The following MED13L variants were observed in gnomAD, a reference collection of about 807,000 sequenced individuals.
The protein encoded by MED13L is mediator complex subunit 13L.
In MED13L, 7 loss-of-function variants were observed where a neutral mutation model predicts 220.9. That is an observed-to-expected ratio of 0.03 (90% CI 0.02 to 0.06). The LOEUF is 0.06. MED13L is among the 10% of genes least tolerant of loss of function. The pLI, the probability that MED13L is intolerant of heterozygous loss-of-function variation, is 1.00. For missense variants in MED13L, 1,965 were observed against 2,760.5 expected (o/e 0.71, Z 6.46); for synonymous variants, 1,011 against 1,015.2 (o/e 1.00, Z 0.08).
chr12:116,225,763 T>C (rs917039055), intron 2 of MED13L, among the ~76,000 whole-genome samples: 2 of 152,226 alleles, frequency 1.3e-5, no homozygotes, highest in African/African-American at 4.8e-5. Context: ...AGAGACCTCA[T>C]GTTGAATAGG....
intron 4 of MED13L, among the ~76,000 whole-genome samples, chr12:116,054,238 G>A (rs1212187980): frequency 5.3e-5 from 8 of 150,892 alleles, no homozygotes; most frequent in Non-Finnish European, 7.4e-5. Context: ...ACACACGTAC[G>A]TCTTACCCTC....
intron 4 of MED13L, among the ~76,000 whole-genome samples, chr12:116,092,198 T>C (rs1872280485): frequency 6.6e-6 from 1 of 152,088 alleles, no homozygotes; most frequent in African/African-American, 2.4e-5. Flanking sequence ...ACAGAAAAAA[T>C]CATAGATAGC....
chr12:116,031,298 G>C (rs1261928925), intron 4 of MED13L, among the ~76,000 whole-genome samples: 1 of 151,986 alleles, frequency 6.6e-6, no homozygotes, highest in East Asian at 1.9e-4. Flanking sequence ...ATTAGAAAGG[G>C]GCCGGGTGCA....
At chr12:116,225,512 T>A (rs1036407507) in intron 2 of MED13L, among the ~76,000 whole-genome samples, 3 of 152,238 alleles carry the variant, frequency 2.0e-5, no homozygotes, top group African/African-American at 7.2e-5. Flanking sequence ...GAGTTGTATG[T>A]AATTTGTCCA....
chr12:116,166,221 T>C (rs1330318826), intron 2 of MED13L, among the ~76,000 whole-genome samples: 2 of 151,672 alleles, frequency 1.3e-5, no homozygotes, highest in African/African-American at 4.8e-5. Context: ...GAGTGTCAAC[T>C]TGATTGGATA....
chr12:116,055,291 C>T (rs1247991521), intron 4 of MED13L, among the ~76,000 whole-genome samples: 1 of 152,150 alleles, frequency 6.6e-6, no homozygotes, highest in African/African-American at 2.4e-5. Context: ...GATGTACAAA[C>T]ATCTTAATTG....
At chr12:116,228,239 G>C (rs1869199828) in intron 2 of MED13L, among the ~76,000 whole-genome samples, 1 of 152,204 alleles carries the variant, frequency 6.6e-6, no homozygotes, top group African/African-American at 2.4e-5. Context: ...AGCAAGTGCT[G>C]ATGAAGAAGC....
intron 5 of MED13L, among the ~76,000 whole-genome samples, chr12:116,021,189 T>C (rs1566014953): frequency 6.6e-6 from 1 of 152,184 alleles, no homozygotes; most frequent in African/African-American, 2.4e-5. Flanking sequence ...AAGTATTCTA[T>C]GACTTCCATC....
intron 4 of MED13L, among the ~76,000 whole-genome samples, chr12:116,037,149 C>T (rs1234263366): frequency 2.6e-5 from 4 of 152,078 alleles, no homozygotes; most frequent in Non-Finnish European, 2.9e-5. Flanking sequence ...AATACAAAAG[C>T]GCCTCATGGA....
chr12:115,972,868 CTG>C (rs1288914690), intron 25 of MED13L, among the ~76,000 whole-genome samples: 1 of 152,120 alleles, frequency 6.6e-6, no homozygotes, highest in Non-Finnish European at 1.5e-5. Context: ...AACTGGAGCA[CTG>C]TGGAGGATTA....
At chr12:116,230,608 AC>A in intron 2 of MED13L, 1 of 364,152 alleles carries the variant, frequency 2.7e-6, no homozygotes, top group Non-Finnish European at 3.8e-6. Flanking sequence ...TCAATGACTC[AC>A]AAATTTAATA....
chr12:116,070,609 A>G (rs1315845064), intron 4 of MED13L, among the ~76,000 whole-genome samples: 2 of 152,198 alleles, frequency 1.3e-5, no homozygotes, highest in Non-Finnish European at 2.9e-5. Flanking sequence ...CTCGCCTAGC[A>G]CCTAACATAG....
At chr12:116,134,055 T>C (rs1327630617) in intron 2 of MED13L, among the ~76,000 whole-genome samples, 2 of 152,226 alleles carry the variant, frequency 1.3e-5, no homozygotes, top group Admixed American at 6.5e-5. Context: ...TATTGTGCCC[T>C]GTCTTAAGTT....
At chr12:116,233,090 GAA>G (rs530903194) in intron 2 of MED13L, among the ~76,000 whole-genome samples, 15 of 82,944 alleles carry the variant, frequency 1.8e-4, no homozygotes, top group South Asian at 4.2e-4. Context: ...CTGTCTAAAG[GAA>G]AAAAAAAAAA....
At chr12:116,005,165 AACT>A (rs1476817928) in intron 13 of MED13L, among the ~76,000 whole-genome samples, 3 of 152,198 alleles carry the variant, frequency 2.0e-5, no homozygotes, top group Non-Finnish European at 2.9e-5. Flanking sequence ...AAGAAAAGTA[AACT>A]AATAAGCTGA....
intron 5 of MED13L, among the ~76,000 whole-genome samples, chr12:116,020,963 T>C (rs1880027857): frequency 1.3e-5 from 2 of 152,182 alleles, no homozygotes; most frequent in Non-Finnish European, 2.9e-5. Context: ...TCGTTGAGTC[T>C]TTCTGCTGTT....
At chr12:116,007,261 A>G in intron 11 of MED13L, 150 bp downstream of exon 11, 2 of 750,068 alleles carry the variant, frequency 2.7e-6, no homozygotes, top group Non-Finnish European at 4.7e-6. Flanking sequence ...TACGCTGTTC[A>G]ATACAATAGT....
chr12:116,009,238 AG>A (rs1261432451), intron 9 of MED13L, 106 bp from the exon 10 acceptor site: 1 of 1,086,848 alleles, frequency 9.2e-7, no homozygotes, highest in Non-Finnish European at 1.3e-6. Flanking sequence ...TACATATAAA[AG>A]GGCTCTAAGT....
At chr12:116,087,303 T>C (rs368224997) in intron 4 of MED13L, among the ~76,000 whole-genome samples, 8 of 152,198 alleles carry the variant, frequency 5.3e-5, no homozygotes, top group African/African-American at 9.7e-5. Flanking sequence ...TCAAGCTTAA[T>C]AGAATTTATG....
Sources: gnomAD v4.1 joint callset for allele counts (sites outside exome capture counted in the v4.1 genomes callset) on GRCh38, gnomAD v4.1.1 for gene constraint, MANE v1.5 for transcripts, NCBI Gene and HGNC (gene_info 2026-07-23, HGNC 2026-07-21) for gene names.